ROBO2: variants seen among roughly 807,000 people sequenced by gnomAD.
ROBO2 encodes the protein roundabout homolog 2.
ROBO2 carries 53 observed loss-of-function variants against 160.8 expected under a neutral mutation model. That is an observed-to-expected ratio of 0.33 (90% CI 0.26 to 0.41). ROBO2 has a LOEUF of 0.41. ROBO2 is among the 10% of genes least tolerant of loss of function. ROBO2 has a pLI of 1.00. For missense variants in ROBO2, 1,577 were observed against 1,722.4 expected (o/e 0.92, Z 1.49); for synonymous variants, 664 against 611.7 (o/e 1.09, Z -1.26).
intron 2 of ROBO2, among the ~76,000 whole-genome samples, chr3:76,739,766 G>T (rs985258221): frequency 3.9e-5 from 6 of 152,036 alleles, no homozygotes; most frequent in African/African-American, 1.4e-4. Flanking sequence ...GGAATTTACT[G>T]TAAAAAAAAG....
At chr3:76,586,080 C>T (rs1578333535) in intron 2 of ROBO2, among the ~76,000 whole-genome samples, 1 of 152,232 alleles carries the variant, frequency 6.6e-6, no homozygotes, top group South Asian at 2.1e-4. Flanking sequence ...GATCATAGTG[C>T]TGCTTTAAAA....
intron 2 of ROBO2, among the ~76,000 whole-genome samples, chr3:77,350,071 A>G (rs7649586): frequency 0.019 from 2,883 of 150,804 alleles, 101 homozygotes; most frequent in African/African-American, 0.066. Context: ...CATTAAAAAA[A>G]AATATATATA....
At chr3:76,045,369 T>TGG (rs1256971444) in intron 2 of ROBO2, among the ~76,000 whole-genome samples, 1 of 152,018 alleles carries the variant, frequency 6.6e-6, no homozygotes, top group Non-Finnish European at 1.5e-5. Flanking sequence ...GGACATGAGC[T>TGG]GGGAGCACAG....
At chr3:76,896,431 A>G (rs1452030749) in intron 2 of ROBO2, among the ~76,000 whole-genome samples, 1 of 152,154 alleles carries the variant, frequency 6.6e-6, no homozygotes, top group African/African-American at 2.4e-5. Flanking sequence ...TGACTACTTA[A>G]ATCCTGCATT....
At chr3:77,062,013 G>C (rs72904028) in intron 1 of ROBO2, among the ~76,000 whole-genome samples, 1 of 152,056 alleles carries the variant, frequency 6.6e-6, no homozygotes, top group Non-Finnish European at 1.5e-5. Flanking sequence ...TTCAAAGTAG[G>C]CAAAGGATAA....
rs546400479 is a variant in ROBO2, at chr3:76,330,049, A to G, written c.109+392447A>G. Among the ~76,000 whole-genome samples, 8 of 152,344 alleles carry G rather than the reference A, an allele frequency of 5.3e-5. No homozygotes were observed. In the East Asian group the frequency reaches 5.8e-4, roughly 11 times the overall value. On this transcript the variant is annotated intron_variant, in intron 2 of 26. Coordinates refer to the ROBO2 transcript ENST00000487694. Reference sequence around the variant, plus strand: ...TTTGTGTGAACATTTTACTGTATCTATGTGGGTTTTCAAAGGCCATATTTG... The same window carrying G: ...TTTGTGTGAACATTTTACTGTATCTGTGTGGGTTTTCAAAGGCCATATTTG...
At chr3:76,665,480 A>G (rs2091982999) in intron 2 of ROBO2, among the ~76,000 whole-genome samples, 1 of 151,880 alleles carries the variant, frequency 6.6e-6, no homozygotes, top group Non-Finnish European at 1.5e-5. Context: ...ACTAAGCTAA[A>G]ACTCCAAAGT....
chr3:76,522,425 G>C (rs1470610837), intron 2 of ROBO2, among the ~76,000 whole-genome samples: 2 of 151,992 alleles, frequency 1.3e-5, no homozygotes, highest in Non-Finnish European at 2.9e-5. Flanking sequence ...AAATACAGCT[G>C]ACCAAAAATG....
At chr3:75,999,485 C>A (rs1002141146) in intron 2 of ROBO2, among the ~76,000 whole-genome samples, 2 of 151,876 alleles carry the variant, frequency 1.3e-5, no homozygotes, top group Admixed American at 6.6e-5. Context: ...TTTATTTAGA[C>A]CTGATTAATT....
intron 2 of ROBO2, among the ~76,000 whole-genome samples, chr3:76,123,584 T>C (rs1187241894): frequency 6.6e-6 from 1 of 152,210 alleles, no homozygotes. Context: ...TTTATTTTGC[T>C]GGTTTCCTCT....
intron 2 of ROBO2, among the ~76,000 whole-genome samples, chr3:76,529,571 G>C (rs1457448562): frequency 6.6e-6 from 1 of 152,106 alleles, no homozygotes; most frequent in Non-Finnish European, 1.5e-5. Context: ...TTTCCAAAAT[G>C]TGTGAATTAT....
At chr3:76,549,492 C>T (rs2083295744) in intron 2 of ROBO2, among the ~76,000 whole-genome samples, 1 of 152,148 alleles carries the variant, frequency 6.6e-6, no homozygotes, top group African/African-American at 2.4e-5. Flanking sequence ...AAGGTTCTGT[C>T]TGGTGATAGA....
At chr3:77,045,402 G>T (rs1004039314) in intron 1 of ROBO2, among the ~76,000 whole-genome samples, 1 of 152,100 alleles carries the variant, frequency 6.6e-6, no homozygotes, top group South Asian at 2.1e-4. Context: ...TTCTAAAATT[G>T]CCCTAATCAT....
At chr3:76,242,183 G>A (rs1352298730) in intron 2 of ROBO2, among the ~76,000 whole-genome samples, 1 of 152,060 alleles carries the variant, frequency 6.6e-6, no homozygotes. Context: ...ACATTATGAA[G>A]CTGCTTTCTA....
intron 2 of ROBO2, among the ~76,000 whole-genome samples, chr3:77,183,716 G>A (rs2081018824): frequency 6.6e-6 from 1 of 151,978 alleles, no homozygotes; most frequent in Non-Finnish European, 1.5e-5. Flanking sequence ...GGTATTGTTT[G>A]TGTATTTCAT....
At chr3:76,327,857 C>T (rs1170196864) in intron 2 of ROBO2, among the ~76,000 whole-genome samples, 1 of 151,678 alleles carries the variant, frequency 6.6e-6, no homozygotes, top group Admixed American at 6.6e-5. Flanking sequence ...GAGTGTTAGA[C>T]TTTTCTTCAG....
intron 2 of ROBO2, among the ~76,000 whole-genome samples, chr3:76,283,289 G>A (rs577098852): frequency 5.3e-5 from 8 of 150,952 alleles, no homozygotes; most frequent in Non-Finnish European, 7.4e-5. Context: ...TTAAGGAACC[G>A]ATGAAGTTTC....
rs530244737 is a variant in ROBO2, at chr3:76,288,964, A to G, written c.109+351362A>G. On this transcript the variant is annotated intron_variant, in intron 2 of 26. Coordinates refer to the ROBO2 transcript ENST00000487694. Reference sequence around the variant, plus strand: ...AGTGCTACTATGAACATATGCATGCATGTGACTTTATGGTAGAAAAATTTA... The same window carrying G: ...AGTGCTACTATGAACATATGCATGCGTGTGACTTTATGGTAGAAAAATTTA... Among the ~76,000 whole-genome samples the G allele has an allele frequency of 3.9e-5, 6 of 152,284 alleles. No homozygotes were observed. In the East Asian group the frequency reaches 1.2e-3, roughly 29 times the overall value.
At chr3:76,654,613 C>A (rs2109939830) in intron 2 of ROBO2, among the ~76,000 whole-genome samples, 1 of 152,020 alleles carries the variant, frequency 6.6e-6, no homozygotes, top group South Asian at 2.1e-4. Context: ...ATTCGGCATG[C>A]TGGGGTAATA....
Sources: gnomAD v4.1 joint callset for allele counts (sites outside exome capture counted in the v4.1 genomes callset) on GRCh38, gnomAD v4.1.1 for gene constraint, MANE v1.5 for transcripts, NCBI Gene and HGNC (gene_info 2026-07-23, HGNC 2026-07-21) for gene names.